The following PRKCB variants were observed in gnomAD, a reference collection of about 807,000 sequenced individuals.
PRKCB encodes protein kinase C beta.
A neutral mutation model predicts 81.5 loss-of-function variants in PRKCB; 13 were observed. The observed-to-expected ratio is 0.16, with a 90% CI of 0.10 to 0.25. The LOEUF is 0.25. Among genes scored for constraint, PRKCB ranks in the 10% least tolerant of loss-of-function variants. The probability of loss-of-function intolerance (pLI) is 1.00; values close to 1 mark genes in which losing one functional copy is unlikely to be tolerated. For missense variants in PRKCB, 509 were observed against 875.7 expected, an observed-to-expected ratio of 0.58 and a Z score of 5.29; for synonymous variants, 335 against 321.4, an observed-to-expected ratio of 1.04 and a Z score of -0.45.
chr16:23,942,554 C>T (rs1428653431), intron 2 of PRKCB, among the ~76,000 whole-genome samples: 1 of 152,162 alleles, frequency 6.6e-6, no homozygotes, highest in Non-Finnish European at 1.5e-5. Context: ...TTATTTTTGT[C>T]TACTTTTCTA....
chr16:23,950,104 A>G (rs1189584956), intron 2 of PRKCB, among the ~76,000 whole-genome samples: 2 of 145,984 alleles, frequency 1.4e-5, no homozygotes, highest in Non-Finnish European at 3.0e-5. Flanking sequence ...TGCTTCTGCC[A>G]ACAGCAGCAT....
chr16:24,199,659 A>G (rs985890433), intron 16 of PRKCB, among the ~76,000 whole-genome samples: 1 of 152,230 alleles, frequency 6.6e-6, no homozygotes, highest in African/African-American at 2.4e-5. Context: ...ATATTAGAAA[A>G]TATATTGCAT....
chr16:24,071,383 C>T (rs545735094), intron 5 of PRKCB, among the ~76,000 whole-genome samples: 1 of 138,758 alleles, frequency 7.2e-6, no homozygotes, highest in Admixed American at 7.8e-5. Flanking sequence ...GCGGGTGGAT[C>T]GCTTGAGCTC....
intron 7 of PRKCB, among the ~76,000 whole-genome samples, chr16:24,105,065 T>C (rs1379573850): frequency 6.6e-6 from 1 of 151,714 alleles, no homozygotes; most frequent in Admixed American, 6.6e-5. Context: ...ATTTTTTTTT[T>C]TTTATTTTTG....
chr16:23,917,535 A>G (rs1054307246), intron 2 of PRKCB, among the ~76,000 whole-genome samples: 1 of 152,228 alleles, frequency 6.6e-6, no homozygotes, highest in African/African-American at 2.4e-5. Context: ...AAGGATGTCC[A>G]TTCGGAGATT....
chr16:23,861,182 T>A (rs1215980051), intron 2 of PRKCB, among the ~76,000 whole-genome samples: 1 of 152,048 alleles, frequency 6.6e-6, no homozygotes, highest in Non-Finnish European at 1.5e-5. Context: ...TCTTTTTTTT[T>A]TTTTGAGACA....
At chr16:23,972,085 A>G (rs1407977713) in intron 2 of PRKCB, among the ~76,000 whole-genome samples, 1 of 152,230 alleles carries the variant, frequency 6.6e-6, no homozygotes, top group Non-Finnish European at 1.5e-5. Flanking sequence ...TAATCATATA[A>G]TGGAATATTA....
At chr16:23,875,319 G>A (rs1363550883) in intron 2 of PRKCB, among the ~76,000 whole-genome samples, 9 of 151,904 alleles carry the variant, frequency 5.9e-5, no homozygotes, top group South Asian at 4.2e-4. Flanking sequence ...GATTACAAGC[G>A]TGAACCACCA....
At chr16:24,185,239 T>A in intron 14 of PRKCB, 48 bp downstream of exon 14, 1 of 1,530,628 alleles carries the variant, frequency 6.5e-7, no homozygotes, top group Non-Finnish European at 9.0e-7. Flanking sequence ...CCTACCCCCA[T>A]CCACATGGTT....
intron 5 of PRKCB, among the ~76,000 whole-genome samples, chr16:24,090,329 T>C (rs1447263321): frequency 6.6e-6 from 1 of 152,226 alleles, no homozygotes; most frequent in East Asian, 1.9e-4. Context: ...TGGTAGCCGA[T>C]TCAATGCTTC....
At chr16:23,882,081 T>C (rs13331467) in intron 2 of PRKCB, among the ~76,000 whole-genome samples, 160 of 774 alleles carry the variant, frequency 0.21, 15 homozygotes, top group East Asian at 0.6. Context: ...TTTCTTTCCT[T>C]TTTTTTTTTT....
At chr16:23,863,797 T>C (rs895749201) in intron 2 of PRKCB, among the ~76,000 whole-genome samples, 25 of 152,128 alleles carry the variant, frequency 1.6e-4, no homozygotes, top group Admixed American at 1.5e-3. Flanking sequence ...GAGTTTTGGA[T>C]AGAAACTATC....
intron 2 of PRKCB, among the ~76,000 whole-genome samples, chr16:23,919,029 T>C (rs1025902337): frequency 1.3e-5 from 2 of 152,238 alleles, no homozygotes; most frequent in African/African-American, 4.8e-5. Flanking sequence ...GAAATTCCGT[T>C]TAGATACAGT....
intron 5 of PRKCB, among the ~76,000 whole-genome samples, chr16:24,087,563 A>G (rs1966323791): frequency 6.6e-6 from 1 of 152,224 alleles, no homozygotes; most frequent in Non-Finnish European, 1.5e-5. Context: ...GAGGACACAC[A>G]GTGAGGACAA....
At chr16:24,140,220 T>C (rs547914293) in intron 9 of PRKCB, among the ~76,000 whole-genome samples, 3 of 152,230 alleles carry the variant, frequency 2.0e-5, no homozygotes, top group Non-Finnish European at 4.4e-5. Flanking sequence ...GAATACACTT[T>C]GGAAAATCAG....
At chr16:23,848,513 C>A (rs1223882364) in intron 2 of PRKCB, among the ~76,000 whole-genome samples, 1 of 152,116 alleles carries the variant, frequency 6.6e-6, no homozygotes, top group African/African-American at 2.4e-5. Context: ...TTTTATGGTT[C>A]TAACAATAGG....
At chr16:24,076,566 T>G (rs995607632) in intron 5 of PRKCB, among the ~76,000 whole-genome samples, 1 of 152,164 alleles carries the variant, frequency 6.6e-6, no homozygotes, top group African/African-American at 2.4e-5. Flanking sequence ...AGTGGATGAC[T>G]CACGTCTAGC....
intron 2 of PRKCB, among the ~76,000 whole-genome samples, chr16:23,842,937 T>A (rs971194612): frequency 6.6e-6 from 1 of 151,988 alleles, no homozygotes; most frequent in Non-Finnish European, 1.5e-5. Flanking sequence ...TCAGCTCTTC[T>A]TTTTCCCATG....
At chr16:23,924,485 C>T (rs1963870730) in intron 2 of PRKCB, among the ~76,000 whole-genome samples, 2 of 152,052 alleles carry the variant, frequency 1.3e-5, no homozygotes, top group African/African-American at 4.8e-5. Context: ...GATCTGGCGA[C>T]CACCACACAA....
Sources: gnomAD v4.1 joint callset for allele counts (sites outside exome capture counted in the v4.1 genomes callset) on GRCh38, gnomAD v4.1.1 for gene constraint, MANE v1.5 for transcripts, NCBI Gene and HGNC (gene_info 2026-07-23, HGNC 2026-07-21) for gene names.